Variants in MPP7 observed in about 807,000 individuals in gnomAD.
MPP7 encodes the protein MAGUK p55 scaffold protein 7.
MPP7 carries 60 observed loss-of-function variants against 76.5 expected under a neutral mutation model. The ratio of observed to expected loss-of-function variants is 0.78; its 90% CI spans 0.64 to 0.97. The LOEUF (loss-of-function observed/expected upper bound fraction) is 0.97, where lower values mean the gene tolerates loss of function less well. Ranked by LOEUF, MPP7 falls within the 50% of genes least tolerant of loss-of-function variation. The probability of loss-of-function intolerance (pLI) is 0.00; values close to 1 mark genes in which losing one functional copy is unlikely to be tolerated. For missense variants in MPP7, 641 were observed against 694.0 expected (o/e 0.92, Z 0.86); for synonymous variants, 237 against 244.5 (o/e 0.97, Z 0.29).
At chr10:28,098,598 C>A (rs1853675137) in intron 11 of MPP7, among the ~76,000 whole-genome samples, 1 of 151,242 alleles carries the variant, frequency 6.6e-6, no homozygotes, top group Non-Finnish European at 1.5e-5. Context: ...TATGAACCAA[C>A]AACAAATGAA....
intron 3 of MPP7, among the ~76,000 whole-genome samples, chr10:28,162,965 T>C (rs12264184): frequency 0.16 from 24,504 of 151,976 alleles, 2,292 homozygotes; most frequent in East Asian, 0.37. Flanking sequence ...TGTGATTACA[T>C]TGGTTGGACC....
intron 1 of MPP7, among the ~76,000 whole-genome samples, chr10:28,248,507 A>T (rs1367945794): frequency 6.6e-6 from 1 of 152,038 alleles, no homozygotes; most frequent in African/African-American, 2.4e-5. Flanking sequence ...TCCCTTTCTA[A>T]AATCTCCCTC....
chr10:28,238,364 C>T (rs1839148593), intron 2 of MPP7, among the ~76,000 whole-genome samples: 1 of 152,214 alleles, frequency 6.6e-6, no homozygotes, highest in South Asian at 2.1e-4. Context: ...CATGCCATCA[C>T]TACCCAGAGA....
At chr10:28,235,069 C>T (rs1364980249) in intron 2 of MPP7, among the ~76,000 whole-genome samples, 1 of 152,166 alleles carries the variant, frequency 6.6e-6, no homozygotes, top group Non-Finnish European at 1.5e-5. Context: ...CTCAGCCTCC[C>T]GAAGTGCTGG....
At position 28,056,605 on chromosome 10, in the gene MPP7, T is replaced by A. The variant is rs747480815; in HGVS notation, c.1426A>T (p.Thr476Ser). 1 of 1,598,422 alleles carries A rather than the reference T, an allele frequency of 6.3e-7. No homozygotes were observed. The highest frequency in any genetic ancestry group is 2.3e-5 in the East Asian group (1 of 44,336). Residue 476 changes from threonine to serine, a missense_variant, in exon 16 of 17, where the codon ACA (threonine) becomes TCA (serine). By Grantham distance (58) the Thr-to-Ser change is moderately conservative. Transcript: ENST00000683449. ...VQPHTVKHLR[T>S]LEFKPYVIFI... Reference sequence around the variant, plus strand: ...ATCACATAGGGCTTAAATTCTAGTGTCCTTAAATGCTTCACTGTCTACAAG... The same window carrying A: ...ATCACATAGGGCTTAAATTCTAGTGACCTTAAATGCTTCACTGTCTACAAG...
chr10:28,126,163 A>C (rs1835011445), intron 6 of MPP7, among the ~76,000 whole-genome samples: 1 of 152,224 alleles, frequency 6.6e-6, no homozygotes, highest in African/African-American at 2.4e-5. Context: ...TCAAAGAATT[A>C]AGTGACAGGC....
upstream of MPP7, among the ~76,000 whole-genome samples, chr10:28,304,196 A>G (rs950154700): frequency 1.3e-5 from 2 of 152,218 alleles, no homozygotes; most frequent in African/African-American, 4.8e-5. Context: ...CTCAGAACAC[A>G]TCCCCCAGAA....
At chr10:28,107,165 A>C (rs76434308) in intron 11 of MPP7, among the ~76,000 whole-genome samples, 1,894 of 152,182 alleles carry the variant, frequency 0.012, 52 homozygotes, top group East Asian at 0.11. Context: ...CATCGAACTT[A>C]AATATGTCCA....
intron 2 of MPP7, among the ~76,000 whole-genome samples, chr10:28,212,085 C>T (rs927126565): frequency 6.6e-6 from 1 of 151,796 alleles, no homozygotes; most frequent in African/African-American, 2.4e-5. Flanking sequence ...TGCTCTCTGG[C>T]CTGGGCAACA....
chr10:28,209,673 C>T (rs1408788866), intron 2 of MPP7, among the ~76,000 whole-genome samples: 1 of 152,126 alleles, frequency 6.6e-6, no homozygotes, highest in Admixed American at 6.6e-5. Flanking sequence ...ACAATGTTTG[C>T]CTGTCTTAAC....
intron 11 of MPP7, among the ~76,000 whole-genome samples, chr10:28,113,659 C>T (rs1834573674): frequency 6.6e-6 from 1 of 152,130 alleles, no homozygotes; most frequent in Non-Finnish European, 1.5e-5. Context: ...ACCACCTCCC[C>T]TGCATCAGAG....
intron 11 of MPP7, among the ~76,000 whole-genome samples, chr10:28,102,806 CCAT>C (rs1306892233): frequency 6.6e-6 from 1 of 152,188 alleles, no homozygotes; most frequent in Non-Finnish European, 1.5e-5. Flanking sequence ...CTTCCAGCCA[CCAT>C]CATCATCTGC....
In MPP7 at chr10:28,231,196, C is replaced by T. The variant is rs1042263749; in HGVS notation, c.37+7372G>A. Among the ~76,000 whole-genome samples, 15 of 151,030 alleles carry T rather than the reference C, an allele frequency of 9.9e-5. 1 individual carries two copies. In the South Asian group the frequency reaches 1.2e-3, roughly 13 times the overall value. Reference sequence around the variant, plus strand: ...CAAAAAAAAAAAAATGAAAAAAACTCTTATGTGAATATTTTTTTAATTCTA... The same window carrying T: ...CAAAAAAAAAAAAATGAAAAAAACTTTTATGTGAATATTTTTTTAATTCTA... On this transcript the variant is annotated intron_variant, in intron 2 of 16. Transcript: ENST00000683449.
chr10:28,211,262 T>A (rs1223822546), intron 2 of MPP7, among the ~76,000 whole-genome samples: 1 of 152,072 alleles, frequency 6.6e-6, no homozygotes, highest in Non-Finnish European at 1.5e-5. Flanking sequence ...CTGCACCTGG[T>A]ATCATTGTCC....
chr10:28,304,701 A>G (rs1415026427), upstream of MPP7, among the ~76,000 whole-genome samples: 2 of 152,226 alleles, frequency 1.3e-5, no homozygotes, highest in Admixed American at 1.3e-4. Context: ...AAGAAGAGGA[A>G]CTTAGCCTAG....
intron 6 of MPP7, among the ~76,000 whole-genome samples, chr10:28,129,013 A>T (rs548495101): frequency 6.6e-6 from 1 of 152,198 alleles, no homozygotes; most frequent in Non-Finnish European, 1.5e-5. Context: ...GGTAAACTAC[A>T]GACTTGAAGA....
At chr10:28,162,249 G>C (rs1381591501) in intron 3 of MPP7, among the ~76,000 whole-genome samples, 2 of 152,072 alleles carry the variant, frequency 1.3e-5, no homozygotes, top group East Asian at 1.9e-4. Context: ...TGAAAACACA[G>C]AACAAGGCCT....
intron 1 of MPP7, among the ~76,000 whole-genome samples, chr10:28,270,551 GAGCTGGGGA>G (rs1840295195): frequency 5.0e-5 from 6 of 120,028 alleles, no homozygotes; most frequent in Non-Finnish European, 8.7e-5. Flanking sequence ...GGGAGGAGGG[GAGCTGGGGA>G]GGGGGCGCAA....
chr10:28,094,068 C>A (rs1853447684), intron 11 of MPP7, among the ~76,000 whole-genome samples: 1 of 152,178 alleles, frequency 6.6e-6, no homozygotes, highest in Non-Finnish European at 1.5e-5. Context: ...GGCTAACGCT[C>A]TGCAAACAAG....
Sources: gnomAD v4.1 joint callset for allele counts (sites outside exome capture counted in the v4.1 genomes callset) on GRCh38, gnomAD v4.1.1 for gene constraint, MANE v1.5 for transcripts, NCBI Gene and HGNC (gene_info 2026-07-23, HGNC 2026-07-21) for gene names.